Variants in SPATA45 observed in about 807,000 individuals in gnomAD.
SPATA45 encodes the protein spermatogenesis-associated protein 45.
A neutral mutation model predicts 7.0 loss-of-function variants in SPATA45; 5 were observed. The observed-to-expected ratio is 0.71, with a 90% CI of 0.37 to 1.50. The LOEUF (loss-of-function observed/expected upper bound fraction) is 1.50, where lower values mean the gene tolerates loss of function less well. Ranked by LOEUF, SPATA45 falls within the 40% of genes most tolerant of loss-of-function variation. The probability of loss-of-function intolerance (pLI) is 0.03; values close to 1 mark genes in which losing one functional copy is unlikely to be tolerated. For missense variants in SPATA45, 111 were observed against 114.9 expected, an observed-to-expected ratio of 0.97 and a Z score of 0.16; for synonymous variants, 40 against 38.7, an observed-to-expected ratio of 1.03 and a Z score of -0.13.
At chr1:212,840,200 C>G (rs1315211325) in intron 1 of SPATA45, among the ~76,000 whole-genome samples, 1 of 151,396 alleles carries the variant, frequency 6.6e-6, no homozygotes, top group African/African-American at 2.4e-5. Flanking sequence ...GATCACCTGT[C>G]AGGAGTTCAA....
At chr1:212,834,770 C>A (rs946330704) in intron 2 of SPATA45, among the ~76,000 whole-genome samples, 1 of 151,486 alleles carries the variant, frequency 6.6e-6, no homozygotes, top group African/African-American at 2.4e-5. Context: ...TTTATTAGGG[C>A]TTTTTGTGTG....
Position 212,835,750 on chromosome 1 carries a change from C to T in SPATA45, c.277+123G>A, listed in dbSNP as rs531365366. 393 of 840,818 alleles carry T rather than the reference C, an allele frequency of 4.7e-4. 4 individuals are homozygous for T. The African/African-American group carries it at 5.9e-3, about 13-fold the overall frequency. The allele number at this position is 840,818 out of a possible 1,614,324, so 52.1% of individuals were successfully genotyped here. ...ACCTGGGAGGCTGAGACAGAAGAAT[C>T]GCTTGAACCCGGGAGGTGGAGGTTG... On this transcript the variant is annotated intron_variant, in intron 2 of 2. Coordinates refer to ENST00000332912, the MANE Select transcript of SPATA45 (RefSeq NM_001024601.3).
At chr1:212,844,637 T>C (rs369207957) in intron 1 of SPATA45, among the ~76,000 whole-genome samples, 268 of 152,286 alleles carry the variant, frequency 1.8e-3, no homozygotes, top group Non-Finnish European at 3.1e-3. Context: ...CCCTCCACTA[T>C]GTCTCAGTAA....
intron 1 of SPATA45, among the ~76,000 whole-genome samples, chr1:212,837,391 T>A (rs1663608571): frequency 1.3e-5 from 2 of 151,506 alleles, no homozygotes; most frequent in Admixed American, 1.3e-4. Context: ...CCCAGCACGT[T>A]GGGAGGCCAA....
chr1:212,836,039 T>TC lies in SPATA45; in HGVS notation c.110dup (p.Ser38LysfsTer23), dbSNP rs1253676110. On this transcript the variant is annotated frameshift_variant, in exon 2 of 3. Coordinates refer to ENST00000332912, the MANE Select transcript of SPATA45 (RefSeq NM_001024601.3). LOFTEE classifies it high-confidence loss of function. ...CTCTCAGTAAGCTGACTTGATTGCTTCGTTCCACCAAGCAGTTGGATTCAC... is the reference window on the plus strand; with the variant it reads ...CTCTCAGTAAGCTGACTTGATTGCTTCCGTTCCACCAAGCAGTTGGATTCAC... 1 of 1,611,204 alleles carries TC rather than the reference T, an allele frequency of 6.2e-7. No individual in the cohort carries two copies. Among genetic ancestry groups the TC allele is most frequent in the African/African-American group, 1.3e-5 (1 of 74,836 alleles).
chr1:212,832,157 TACAGGCATGC>T lies in SPATA45; in HGVS notation c.278-1906_278-1897del, dbSNP rs1019816987. Among the ~76,000 whole-genome samples the T allele has an allele frequency of 6.0e-5, 9 of 150,214 alleles. No individual in the cohort carries two copies. The Admixed American group carries it at 6.0e-4, about 10-fold the overall frequency. On this transcript the variant is annotated intron_variant, in intron 2 of 2. Coordinates refer to ENST00000332912, the MANE Select transcript of SPATA45 (RefSeq NM_001024601.3). ...CCTCAGCCTCCAGAGTAGCTAGGATTACAGGCATGCACCACCATGCCCAGCTAATTTTTGT... is the reference window on the plus strand; with the variant it reads ...CCTCAGCCTCCAGAGTAGCTAGGATTACCACCATGCCCAGCTAATTTTTGT...
chr1:212,833,643 G>C (rs1297561483), intron 2 of SPATA45, among the ~76,000 whole-genome samples: 2 of 151,688 alleles, frequency 1.3e-5, no homozygotes, highest in Non-Finnish European at 2.9e-5. Context: ...GGGTGACAGA[G>C]AGACTCAGCT....
At chr1:212,831,238 G>A (rs1485577873) in intron 2 of SPATA45, among the ~76,000 whole-genome samples, 1 of 151,384 alleles carries the variant, frequency 6.6e-6, no homozygotes, top group Non-Finnish European at 1.5e-5. Flanking sequence ...GGAGGCTGAG[G>A]CAGGCAGATT....
chr1:212,836,830 T>C (rs1663595021), intron 1 of SPATA45, among the ~76,000 whole-genome samples: 1 of 145,028 alleles, frequency 6.9e-6, no homozygotes, highest in African/African-American at 2.5e-5. Context: ...TTTTTTTTTT[T>C]GTATTTTTAG....
chr1:212,846,056 C>G (rs1290199610), intron 1 of SPATA45, among the ~76,000 whole-genome samples: 1 of 152,138 alleles, frequency 6.6e-6, no homozygotes, highest in African/African-American at 2.4e-5. Flanking sequence ...TCCTTTAATA[C>G]CTATTTTTCT....
chr1:212,833,684 C>T (rs1663529608), intron 2 of SPATA45, among the ~76,000 whole-genome samples: 1 of 151,400 alleles, frequency 6.6e-6, no homozygotes, highest in Non-Finnish European at 1.5e-5. Context: ...TGGGGCCTTG[C>T]TCTGGGTTAG....
chr1:212,846,120 C>T (rs1001464687), intron 1 of SPATA45, among the ~76,000 whole-genome samples: 5 of 152,124 alleles, frequency 3.3e-5, no homozygotes, highest in African/African-American at 4.8e-5. Flanking sequence ...TCAATTCATA[C>T]AAAACCACAT....
Position 212,830,264 on chromosome 1 carries a change from GA to G in SPATA45, c.278-4del. The stretch of plus-strand genomic sequence containing the variant: ...ACTTTATCCAAATATGGCATTATCT[GA>G]AAAAATAAAAAATAAAAAGTATTTG... On this transcript the variant is annotated splice_polypyrimidine_tract_variant and splice_region_variant and intron_variant, in intron 2 of 2. Transcript: ENST00000332912. 6.6e-7 allele frequency: 1 copy of G among 1,505,806 alleles called. No individual in the cohort carries two copies. The highest frequency in any genetic ancestry group is 9.1e-7 in the Non-Finnish European group (1 of 1,095,184). 93.3% of individuals were successfully genotyped at this position (1,505,806 alleles called of 1,614,324 possible). A position where few individuals can be genotyped will look rare whatever the true frequency, so the allele number is the denominator to read the frequency against.
At chr1:212,846,434 G>A (rs368350423) in intron 1 of SPATA45, among the ~76,000 whole-genome samples, 4 of 152,100 alleles carry the variant, frequency 2.6e-5, no homozygotes, top group Admixed American at 6.6e-5. Flanking sequence ...TGACCTGTAC[G>A]TATACATCTA....
In SPATA45 at chr1:212,840,970, C is replaced by A. The variant is rs563858977; in HGVS notation, c.-38-4783G>T. Among the ~76,000 whole-genome samples, 10 of 152,068 alleles carry A rather than the reference C, an allele frequency of 6.6e-5. 1 individual carries two copies. The South Asian group carries it at 1.0e-3, about 16-fold the overall frequency. ...TCTCTCTTCTTTTTTGAGGCGGAGT[C>A]TCTCTCTGTCTCCAGGATGGAGTCC... On this transcript the variant is annotated intron_variant, in intron 1 of 2. Transcript: ENST00000332912.
intron 2 of SPATA45, among the ~76,000 whole-genome samples, chr1:212,833,319 A>T (rs1465128550): frequency 2.6e-5 from 4 of 151,404 alleles, no homozygotes; most frequent in African/African-American, 7.3e-5. Context: ...TATAAGTGAG[A>T]ACAGACAATA....
intron 2 of SPATA45, among the ~76,000 whole-genome samples, chr1:212,830,827 C>G (rs2102506052): frequency 6.6e-6 from 1 of 151,464 alleles, no homozygotes; most frequent in East Asian, 1.9e-4. Flanking sequence ...ACTAAAAAGA[C>G]AAAAATTAGC....
At chr1:212,841,880 A>G (rs61832055) in intron 1 of SPATA45, among the ~76,000 whole-genome samples, 65,849 of 151,298 alleles carry the variant, frequency 0.44, 15,452 homozygotes, top group East Asian at 0.53. Flanking sequence ...GCTTCAGCCT[A>G]CTGAGTAGCT....
intron 1 of SPATA45, among the ~76,000 whole-genome samples, chr1:212,839,301 C>A (rs1023837196): frequency 6.7e-6 from 1 of 148,792 alleles, no homozygotes; most frequent in South Asian, 2.1e-4. Context: ...GTATAGTGTA[C>A]GATTCCATGC....
Sources: gnomAD v4.1 joint callset for allele counts (sites outside exome capture counted in the v4.1 genomes callset) on GRCh38, gnomAD v4.1.1 for gene constraint, MANE v1.5 for transcripts, NCBI Gene and HGNC (gene_info 2026-07-23, HGNC 2026-07-21) for gene names.